The following SMG5 variants were observed in gnomAD, a reference collection of about 807,000 sequenced individuals.
SMG5 encodes SMG5 nonsense mediated mRNA decay factor, also known as nonsense-mediated mRNA decay factor SMG5.
SMG5 carries 53 observed loss-of-function variants against 122.9 expected under a neutral mutation model. The observed-to-expected ratio is 0.43, with a 90% CI of 0.35 to 0.54. SMG5 has a LOEUF of 0.54. Among genes scored for constraint, SMG5 ranks in the 20% least tolerant of loss-of-function variants. The pLI is 0.01. For missense variants in SMG5, 1,153 were observed against 1,285.6 expected, an observed-to-expected ratio of 0.90 and a Z score of 1.58; for synonymous variants, 477 against 490.2, an observed-to-expected ratio of 0.97 and a Z score of 0.35.
At chr1:156,263,835 A>G (rs1661981999) in intron 12 of SMG5, among the ~76,000 whole-genome samples, 1 of 152,104 alleles carries the variant, frequency 6.6e-6, no homozygotes, top group South Asian at 2.1e-4. Flanking sequence ...ATTCTTATAG[A>G]CTCAAGTAAT....
chr1:156,275,735 T>C (rs1662651533), intron 4 of SMG5, among the ~76,000 whole-genome samples: 1 of 151,910 alleles, frequency 6.6e-6, no homozygotes, highest in African/African-American at 2.4e-5. Context: ...ATCTTTTTTT[T>C]AAAGCTGTGG....
intron 12 of SMG5, among the ~76,000 whole-genome samples, chr1:156,264,609 AG>A (rs1214247322): frequency 9.2e-5 from 14 of 152,338 alleles, no homozygotes; most frequent in Admixed American, 1.3e-4. Context: ...ATACCCTTGA[AG>A]GAGTCCCAGA....
chr1:156,272,205 T>C (rs1175622430), intron 7 of SMG5, 115 bp downstream of exon 7: 12 of 928,282 alleles, frequency 1.3e-5, no homozygotes, highest in Admixed American at 2.1e-5. Flanking sequence ...CCTTCAATCT[T>C]AGCATTCCCC....
chr1:156,286,106 CT>C, upstream of SMG5: 2 of 1,431,516 alleles, frequency 1.4e-6, no homozygotes, highest in Non-Finnish European at 1.9e-6. Flanking sequence ...CTCCCACCCC[CT>C]GCCAGTCTGC....
At chr1:156,272,177 C>T (rs570185410) in intron 7 of SMG5, 143 bp downstream of exon 7, 59 of 719,018 alleles carry the variant, frequency 8.2e-5, no homozygotes, top group South Asian at 6.7e-4. Context: ...GTGTCAGAGT[C>T]CCCCTGAATG....
chr1:156,268,418 G>T lies in SMG5; in HGVS notation c.714-3C>A, dbSNP rs937563017. On this transcript the variant is annotated splice_region_variant and splice_polypyrimidine_tract_variant and intron_variant, in intron 7 of 21. Transcript: ENST00000361813. ...CAAAGGACACTTCTGACTGGATGCTGTAAGAGATAGAGGTGAGCTACTGAG... is the reference window on the plus strand; with the variant it reads ...CAAAGGACACTTCTGACTGGATGCTTTAAGAGATAGAGGTGAGCTACTGAG... The T allele has an allele frequency of 7.4e-6, 12 of 1,613,520 alleles. No individual in the cohort carries two copies. The highest frequency in any genetic ancestry group is 1.0e-5 in the Non-Finnish European group (12 of 1,179,998).
chr1:156,282,530 G>A (rs1230693273), intron 1 of SMG5, 77 bp downstream of exon 1: 3 of 1,430,824 alleles, frequency 2.1e-6, no homozygotes, highest in Non-Finnish European at 2.8e-6. Flanking sequence ...CCCGGGCCCC[G>A]CCCGCCCGGG....
At chr1:156,252,575 T>A in intron 18 of SMG5, 71 bp from the exon 19 acceptor site, 6 of 1,491,244 alleles carry the variant, frequency 4.0e-6, no homozygotes. Context: ...CTGGAGGAAG[T>A]ATCTGAGCTC....
At chr1:156,282,227 T>C (rs1286711617) in intron 1 of SMG5, among the ~76,000 whole-genome samples, 1 of 152,122 alleles carries the variant, frequency 6.6e-6, no homozygotes, top group African/African-American at 2.4e-5. Flanking sequence ...GACTCTTCCT[T>C]GTAAATCCCC....
chr1:156,272,462 A>G (rs1277876114), intron 6 of SMG5, 64 bp from the exon 7 acceptor site: 2 of 1,358,650 alleles, frequency 1.5e-6, no homozygotes, highest in African/African-American at 1.4e-5. Context: ...GCCAGGCCCA[A>G]CCAATGCTAA....
At chr1:156,251,152 G>GC (rs1180431196) in intron 20 of SMG5, 156 bp from the exon 21 acceptor site, 2 of 1,055,332 alleles carry the variant, frequency 1.9e-6, no homozygotes, top group East Asian at 2.4e-5. Context: ...TGGGGAGCAG[G>GC]CAAAGGTGCA....
At chr1:156,275,960 A>T (rs956311724) in intron 4 of SMG5, among the ~76,000 whole-genome samples, 2 of 151,746 alleles carry the variant, frequency 1.3e-5, no homozygotes, top group African/African-American at 4.8e-5. Flanking sequence ...GACAACATGC[A>T]CGCACCACCA....
upstream of SMG5, among the ~76,000 whole-genome samples, chr1:156,285,031 T>G (rs1219743641): frequency 6.6e-6 from 1 of 152,116 alleles, no homozygotes; most frequent in East Asian, 1.9e-4. Flanking sequence ...TCCCTCTGTT[T>G]CAGTGTCTTC....
intron 7 of SMG5, among the ~76,000 whole-genome samples, chr1:156,269,239 G>C (rs905904770): frequency 6.6e-6 from 1 of 151,888 alleles, no homozygotes; most frequent in African/African-American, 2.4e-5. Context: ...CAAAGTGCTG[G>C]GATTATAGGC....
At chr1:156,275,384 T>C (rs1662637303) in intron 4 of SMG5, among the ~76,000 whole-genome samples, 1 of 152,200 alleles carries the variant, frequency 6.6e-6, no homozygotes, top group Non-Finnish European at 1.5e-5. Context: ...TCAGAGAGCT[T>C]GAGATCTTTG....
intron 1 of SMG5, among the ~76,000 whole-genome samples, chr1:156,281,373 T>C (rs1328284681): frequency 5.3e-5 from 8 of 152,154 alleles, no homozygotes; most frequent in Non-Finnish European, 1.2e-4. Flanking sequence ...GCCCACGCTC[T>C]GTCTGACAGG....
chr1:156,268,424 G>T lies in SMG5; in HGVS notation c.714-9C>A, dbSNP rs1162717677. 1.2e-6 allele frequency: 2 copies of T among 1,613,236 alleles called. No individual in the cohort carries two copies. The highest frequency in any genetic ancestry group is 3.3e-5 in the Admixed American group (2 of 60,002). On this transcript the variant is annotated splice_polypyrimidine_tract_variant and intron_variant, in intron 7 of 21. Transcript: ENST00000361813. Reference sequence around the variant, plus strand: ...ACACTTCTGACTGGATGCTGTAAGAGATAGAGGTGAGCTACTGAGTCTTGG... The same window carrying T: ...ACACTTCTGACTGGATGCTGTAAGATATAGAGGTGAGCTACTGAGTCTTGG...
chr1:156,275,125 G>A (rs1243351629), intron 4 of SMG5, among the ~76,000 whole-genome samples: 3 of 103,586 alleles, frequency 2.9e-5, no homozygotes, highest in African/African-American at 1.0e-4. Context: ...TGTGAATGAC[G>A]CCAATTAAAA....
At chr1:156,255,725 A>C (rs1661549730) in intron 16 of SMG5, among the ~76,000 whole-genome samples, 1 of 152,004 alleles carries the variant, frequency 6.6e-6, no homozygotes, top group East Asian at 1.9e-4. Context: ...ATTTCTACAA[A>C]AAAAAGTATA....
Sources: allele counts gnomAD v4.1 joint callset (sites outside exome capture counted in the v4.1 genomes callset), GRCh38; gene constraint gnomAD v4.1.1; transcripts MANE v1.5; gene names NCBI Gene and HGNC (gene_info 2026-07-23, HGNC 2026-07-21).